Variants in MIPOL1 observed in about 807,000 individuals in gnomAD.
The protein encoded by MIPOL1 is mirror-image polydactyly gene 1 protein.
In MIPOL1, 57 loss-of-function variants were observed where a neutral mutation model predicts 60.9. That is an observed-to-expected ratio of 0.94 (90% confidence interval 0.76 to 1.17). The LOEUF (loss-of-function observed/expected upper bound fraction) is 1.17. Ranked by LOEUF, MIPOL1 falls within the 50% of genes most tolerant of loss-of-function variation. MIPOL1 has a pLI of 0.00. For missense variants in MIPOL1, 551 were observed against 511.6 expected, an observed-to-expected ratio of 1.08 and a Z score of -0.74; for synonymous variants, 179 against 168.8, an observed-to-expected ratio of 1.06 and a Z score of -0.47.
intron 1 of MIPOL1, among the ~76,000 whole-genome samples, chr14:37,246,712 T>A (rs1162361518): frequency 1.3e-5 from 2 of 152,132 alleles, no homozygotes; most frequent in Non-Finnish European, 2.9e-5. Flanking sequence ...ATTGCTTGCT[T>A]CCAACTAGGA....
At chr14:37,246,849 G>A (rs1427817987) in intron 1 of MIPOL1, among the ~76,000 whole-genome samples, 1 of 152,018 alleles carries the variant, frequency 6.6e-6, no homozygotes, top group African/African-American at 2.4e-5. Flanking sequence ...AAATGATGAG[G>A]AAGAGTGACT....
At chr14:37,523,532 T>G (rs570388388) in intron 12 of MIPOL1, 1 of 430,222 alleles carries the variant, frequency 2.3e-6, no homozygotes, top group Admixed American at 4.3e-5. Flanking sequence ...AAATTCCTAA[T>G]GGATAAAAGA....
chr14:37,434,246 C>A (rs1595758211), intron 11 of MIPOL1, among the ~76,000 whole-genome samples: 1 of 152,150 alleles, frequency 6.6e-6, no homozygotes, highest in African/African-American at 2.4e-5. Flanking sequence ...GAGATGGTAT[C>A]TGACTGTGGT....
chr14:37,538,367 C>A (rs549795355), intron 12 of MIPOL1, among the ~76,000 whole-genome samples: 2 of 152,184 alleles, frequency 1.3e-5, no homozygotes, highest in South Asian at 4.1e-4. Context: ...CCTGTAAGAG[C>A]TTTTCTCTAT....
chr14:37,489,143 G>A (rs2095002883), intron 11 of MIPOL1, among the ~76,000 whole-genome samples: 1 of 152,090 alleles, frequency 6.6e-6, no homozygotes, highest in Non-Finnish European at 1.5e-5. Flanking sequence ...TATCTTGGAG[G>A]CTTTGTTTGT....
chr14:37,356,771 C>T lies in MIPOL1; in HGVS notation c.829-12746C>T, dbSNP rs565945195. On this transcript the variant is annotated intron_variant, in intron 9 of 12. Transcript: ENST00000684589. ...ATGCCTCGCCCTGCTTCGGCTCACGCACGGTGCGCGAACCCACTGACCTGC... is the reference window on the plus strand; with the variant it reads ...ATGCCTCGCCCTGCTTCGGCTCACGTACGGTGCGCGAACCCACTGACCTGC... 2.5e-3 allele frequency among the ~76,000 whole-genome samples: 383 copies of T among 152,320 alleles called. 1 individual carries two copies. The highest frequency in any genetic ancestry group is 9.0e-3 in the African/African-American group (374 of 41,576).
chr14:37,514,809 C>G (rs1375340005), intron 12 of MIPOL1, among the ~76,000 whole-genome samples: 1 of 151,890 alleles, frequency 6.6e-6, no homozygotes, highest in African/African-American at 2.4e-5. Flanking sequence ...TTAGTAGAGA[C>G]GGGGTTTCTC....
intron 11 of MIPOL1, among the ~76,000 whole-genome samples, chr14:37,443,690 T>G (rs1409653540): frequency 2.1e-5 from 3 of 146,060 alleles, no homozygotes; most frequent in African/African-American, 7.7e-5. Flanking sequence ...GTATGAAAAC[T>G]AGATGAGGGC....
At chr14:37,361,613 T>C (rs2092253834) in intron 9 of MIPOL1, among the ~76,000 whole-genome samples, 14 of 896 alleles carry the variant, frequency 0.016, no homozygotes, top group Non-Finnish European at 0.037. Context: ...TCTCTCTCTT[T>C]TTTTTTTTTT....
At chr14:37,349,830 T>A (rs1410607483) in intron 9 of MIPOL1, among the ~76,000 whole-genome samples, 2 of 152,184 alleles carry the variant, frequency 1.3e-5, no homozygotes, top group Non-Finnish European at 2.9e-5. Context: ...GCTTCTTAGA[T>A]GCTGTATCCG....
intron 6 of MIPOL1, among the ~76,000 whole-genome samples, chr14:37,274,988 GTTTAT>G (rs763419326): frequency 1.4e-4 from 20 of 146,150 alleles, no homozygotes; most frequent in Non-Finnish European, 2.7e-4. Flanking sequence ...GGAATTGATT[GTTTAT>G]TTCTTTTGTT....
intron 12 of MIPOL1, among the ~76,000 whole-genome samples, chr14:37,511,207 A>C (rs2095325348): frequency 6.6e-6 from 1 of 152,202 alleles, no homozygotes; most frequent in Non-Finnish European, 1.5e-5. Context: ...ATAGGGAAAA[A>C]GTCAGTGCAT....
intron 12 of MIPOL1, among the ~76,000 whole-genome samples, chr14:37,544,044 G>A (rs944487755): frequency 1.3e-4 from 20 of 152,280 alleles, no homozygotes; most frequent in Non-Finnish European, 2.5e-4. Flanking sequence ...TAGGCCAATT[G>A]TATAAGCAAG....
chr14:37,546,533 T>C (rs1204960591), intron 12 of MIPOL1, among the ~76,000 whole-genome samples: 3 of 152,216 alleles, frequency 2.0e-5, no homozygotes, highest in Admixed American at 6.5e-5. Flanking sequence ...TTTTGAAATA[T>C]GTGCTTTTCT....
intron 11 of MIPOL1, among the ~76,000 whole-genome samples, chr14:37,431,899 G>A (rs1235334940): frequency 2.6e-5 from 4 of 151,932 alleles, no homozygotes; most frequent in African/African-American, 9.7e-5. Context: ...TTCTAGTTTA[G>A]TATTTCACCA....
At chr14:37,290,398 GTATT>G (rs1354522379) in intron 7 of MIPOL1, among the ~76,000 whole-genome samples, 1 of 152,020 alleles carries the variant, frequency 6.6e-6, no homozygotes, top group Non-Finnish European at 1.5e-5. Context: ...GCTAATTTCT[GTATT>G]TTTAGTAGAG....
rs535100877 is a variant in MIPOL1, at chr14:37,394,006, C to A, written c.936+24382C>A. On this transcript the variant is annotated intron_variant, in intron 10 of 12. Transcript: ENST00000684589. ...TAGAATAATAGTCTCCAATCTCATC[C>A]AGGTTGCTGCAAATGCCGTTAATTC... Among the ~76,000 whole-genome samples, 416 of 140,610 alleles carry A rather than the reference C, an allele frequency of 3.0e-3. 4 individuals are homozygous for A. Among genetic ancestry groups the A allele is most frequent in the African/African-American group, 9.4e-3 (358 of 38,228 alleles). 92.2% of individuals were successfully genotyped at this position (140,610 alleles called of 152,430 possible). A position where few individuals can be genotyped will look rare whatever the true frequency, so the allele number is the denominator to read the frequency against.
intron 11 of MIPOL1, among the ~76,000 whole-genome samples, chr14:37,466,461 A>G (rs2094599426): frequency 6.6e-6 from 1 of 152,208 alleles, no homozygotes; most frequent in African/African-American, 2.4e-5. Context: ...CCTTTAACAT[A>G]TCAGTTTGAT....
In MIPOL1 at chr14:37,293,817, C is replaced by T. The variant is rs28788476; in HGVS notation, c.623+8370C>T. 2.3e-3 allele frequency among the ~76,000 whole-genome samples: 350 copies of T among 152,294 alleles called. 1 individual carries two copies. The highest frequency in any genetic ancestry group is 8.1e-3 in the African/African-American group (335 of 41,556). ...AGGTAAACAAAGTGGCTGGGAAGCT[C>T]GAACTGGGTGGGGCCCACCACAGCT... On this transcript the variant is annotated intron_variant, in intron 7 of 12. Transcript: ENST00000684589.
Sources: allele counts gnomAD v4.1 joint callset (sites outside exome capture counted in the v4.1 genomes callset), GRCh38; gene constraint gnomAD v4.1.1; transcripts MANE v1.5; gene names NCBI Gene and HGNC (gene_info 2026-07-23, HGNC 2026-07-21).